Variants in INTS8 observed in about 807,000 individuals in gnomAD.
INTS8 encodes protein kaonashi-1.
A neutral mutation model predicts 138.9 loss-of-function variants in INTS8; 47 were observed. The observed-to-expected ratio is 0.34, with a 90% confidence interval of 0.27 to 0.43. The LOEUF is 0.43. Ranked by LOEUF, INTS8 falls within the 20% of genes least tolerant of loss-of-function variation. INTS8 has a pLI of 1.00. For synonymous variants in INTS8, 392 were observed against 400.9 expected, an observed-to-expected ratio of 0.98 and a Z score of 0.27; for missense variants, 996 against 1,173.0, an observed-to-expected ratio of 0.85 and a Z score of 2.20.
At chr8:94,865,781 A>C in intron 17 of INTS8, 91 bp downstream of exon 17, 8 of 1,166,694 alleles carry the variant, frequency 6.9e-6, no homozygotes, top group Non-Finnish European at 9.9e-6. Context: ...GATTTCAAGA[A>C]CATCAGCTTT....
In INTS8 at chr8:94,880,526, C is replaced by G; in HGVS notation, c.*292C>G. On this transcript the variant is annotated 3_prime_UTR_variant, in exon 27 of 27. Transcript: ENST00000523731. ...AGGCTGGATTTTTTTTTTAGAAAAG[C>G]TAATTTAAAATATTTAGAAATAGCT... The G allele has an allele frequency of 3.4e-6, 1 of 297,142 alleles. No homozygotes were observed. The highest frequency in any genetic ancestry group is 6.1e-6 in the Non-Finnish European group (1 of 165,006). The allele number at this position is 297,142 out of a possible 1,614,324, so 18.4% of individuals were successfully genotyped here. A position where few individuals can be genotyped will look rare whatever the true frequency, so the allele number is the denominator to read the frequency against.
chr8:94,850,633 A>C (rs1815505765), intron 12 of INTS8, among the ~76,000 whole-genome samples: 1 of 137,584 alleles, frequency 7.3e-6, no homozygotes, highest in African/African-American at 2.7e-5. Context: ...AAAAAAAAAG[A>C]TTTTCACCGG....
intron 23 of INTS8, chr8:94,875,857 A>G (rs1586533630): frequency 4.2e-6 from 2 of 474,232 alleles, no homozygotes; most frequent in East Asian, 7.9e-5. Context: ...TCTCATTCAA[A>G]CAAACCTCTA....
Position 94,853,864 on chromosome 8 carries a change from A to T in INTS8, c.1701A>T (p.Arg567Ser). ...TGGGAATTAAAGACAATTTAACAAG[A>T]GATTTGGTTTATATTCTTATGGCCA... ...VILGIKDNLT[R>S]DLVYILMAKG... Residue 567 changes from arginine to serine, a missense_variant, in exon 14 of 27, where the codon AGA (arginine) becomes AGT (serine). Transcript: ENST00000523731. 4 of 1,611,934 alleles carry T rather than the reference A, an allele frequency of 2.5e-6. No individual in the cohort carries two copies. The highest frequency in any genetic ancestry group is 3.4e-6 in the Non-Finnish European group (4 of 1,178,064).
At chr8:94,874,197 A>G (rs924829586) in intron 22 of INTS8, among the ~76,000 whole-genome samples, 1 of 150,782 alleles carries the variant, frequency 6.6e-6, no homozygotes, top group Admixed American at 6.6e-5. Flanking sequence ...CATTTGACCT[A>G]CTTCTTCCCA....
chr8:94,838,382 C>A, intron 7 of INTS8, 81 bp from the exon 8 acceptor site: 1 of 1,203,750 alleles, frequency 8.3e-7, no homozygotes. Context: ...TTTCCTTGTA[C>A]TGTTAAAACA....
At chr8:94,848,728 TTACTTA>T (rs1476735559) in intron 10 of INTS8, among the ~76,000 whole-genome samples, 5 of 152,160 alleles carry the variant, frequency 3.3e-5, no homozygotes, top group African/African-American at 1.2e-4. Flanking sequence ...AGACTGCAGG[TTACTTA>T]TACTTTTTGG....
intron 20 of INTS8, among the ~76,000 whole-genome samples, chr8:94,871,533 G>C (rs945561212): frequency 6.6e-6 from 1 of 151,708 alleles, no homozygotes; most frequent in Non-Finnish European, 1.5e-5. Flanking sequence ...CTCTTTTGTT[G>C]CCCATAAATT....
chr8:94,851,810 A>G, intron 13 of INTS8, 124 bp downstream of exon 13: 3 of 647,400 alleles, frequency 4.6e-6, no homozygotes, highest in Admixed American at 3.2e-5. Context: ...TAAGACCTTC[A>G]TATGAACATA....
In INTS8 at chr8:94,837,784, TC is replaced by T. The variant is rs1814981547; in HGVS notation, c.862-678del. Among the ~76,000 whole-genome samples, 5 of 152,286 alleles carry T rather than the reference TC, an allele frequency of 3.3e-5. No homozygotes were observed. In the South Asian group the frequency reaches 1.0e-3, roughly 32 times the overall value. ...TATGTTGGCCTGAAAACTCTAAGCTTCAGCAAACTTTCTTTGTAAAGGGTCA... is the reference window on the plus strand; with the variant it reads ...TATGTTGGCCTGAAAACTCTAAGCTTAGCAAACTTTCTTTGTAAAGGGTCA... On this transcript the variant is annotated intron_variant, in intron 7 of 26. Transcript: ENST00000523731.
intron 6 of INTS8, among the ~76,000 whole-genome samples, chr8:94,832,810 A>G (rs908641531): frequency 6.6e-6 from 1 of 151,786 alleles, no homozygotes; most frequent in Admixed American, 6.6e-5. Flanking sequence ...GCCTGCCACC[A>G]CACCCGGCTA....
intron 5 of INTS8, among the ~76,000 whole-genome samples, chr8:94,831,408 G>A (rs539911356): frequency 6.6e-6 from 1 of 150,866 alleles, no homozygotes; most frequent in Admixed American, 6.6e-5. Flanking sequence ...GTGAGCCACT[G>A]CCCCTGGCCT....
intron 4 of INTS8, 100 bp downstream of exon 4, chr8:94,827,893 A>C: frequency 3.1e-6 from 3 of 965,526 alleles, no homozygotes; most frequent in East Asian, 4.8e-5. Context: ...GAAGTAGAGC[A>C]GGAATAGGAG....
At chr8:94,824,041 C>T (rs1814387953) in intron 1 of INTS8, among the ~76,000 whole-genome samples, 1 of 152,064 alleles carries the variant, frequency 6.6e-6, no homozygotes, top group African/African-American at 2.4e-5. Flanking sequence ...ACTCTTATTC[C>T]AAAGTTGGGC....
chr8:94,841,578 A>G lies in INTS8; in HGVS notation c.1105A>G (p.Lys369Glu). The change falls in exon 9 of 27, where the codon AAA becomes GAA. Residue 369 changes from lysine (K) to glutamate (E), a missense_variant. Physicochemically the swap from Lys to Glu is moderately conservative, Grantham distance 56. Coordinates refer to ENST00000523731, the MANE Select transcript of INTS8 (RefSeq NM_017864.4). ...GTCAGTCCTAAGAGAACTCTTTAAG[A>G]AAGCTCAACAGGGGTAAGTAAGTTG... ...RQSVLRELFK[K>E]AQQGNEALDE... 6.3e-7 allele frequency: 1 copy of G among 1,575,408 alleles called. No homozygotes were observed. The highest frequency in any genetic ancestry group is 1.8e-5 in the Admixed American group (1 of 56,958).
chr8:94,828,176 A>C (rs1306701699), intron 4 of INTS8, among the ~76,000 whole-genome samples: 2 of 151,744 alleles, frequency 1.3e-5, no homozygotes, highest in African/African-American at 4.8e-5. Flanking sequence ...AGTAGCTGGG[A>C]TTGCAGGTGT....
chr8:94,823,422 C>CG lies in INTS8; in HGVS notation c.-5dup. 2.6e-6 allele frequency: 4 copies of CG among 1,517,790 alleles called. No homozygotes were observed. The highest frequency in any genetic ancestry group is 3.5e-6 in the Non-Finnish European group (4 of 1,134,902). 94.0% of individuals were successfully genotyped at this position (1,517,790 alleles called of 1,614,324 possible). A position where few individuals can be genotyped will look rare whatever the true frequency, so the allele number is the denominator to read the frequency against. ...GAAGCGGCCCTGGTGGTAGCGGCGG[C>CG]GGGGGCAGGATGAGCGCGGAGGCGG... On this transcript the variant is annotated 5_prime_UTR_variant, in exon 1 of 27. Transcript: ENST00000523731.
At chr8:94,846,233 T>C (rs946726152) in intron 10 of INTS8, among the ~76,000 whole-genome samples, 1 of 152,326 alleles carries the variant, frequency 6.6e-6, no homozygotes, top group Admixed American at 6.5e-5. Flanking sequence ...CTGTGAAGAA[T>C]GCATTTTGTT....
At chr8:94,874,873 A>G (rs1026372756) in intron 23 of INTS8, among the ~76,000 whole-genome samples, 3 of 152,220 alleles carry the variant, frequency 2.0e-5, no homozygotes, top group African/African-American at 4.8e-5. Flanking sequence ...AATGTGCATT[A>G]GTCATTAGGG....
Sources: gnomAD v4.1 joint callset for allele counts (sites outside exome capture counted in the v4.1 genomes callset) on GRCh38, gnomAD v4.1.1 for gene constraint, MANE v1.5 for transcripts, NCBI Gene and HGNC (gene_info 2026-07-23, HGNC 2026-07-21) for gene names.